The following OTULIN variants were observed in gnomAD, a reference collection of about 807,000 sequenced individuals.
OTULIN encodes OTU deubiquitinase with linear linkage specificity.
OTULIN carries 15 observed loss-of-function variants against 39.6 expected under a neutral mutation model. That is an observed-to-expected ratio of 0.38 (90% CI 0.25 to 0.58). The LOEUF is 0.58. Among genes scored for constraint, OTULIN ranks in the 20% least tolerant of loss-of-function variants. The probability of loss-of-function intolerance (pLI) is 0.66; values close to 1 mark genes in which losing one functional copy is unlikely to be tolerated. For synonymous variants in OTULIN, 156 were observed against 170.3 expected, an observed-to-expected ratio of 0.92 and a Z score of 0.65; for missense variants, 319 against 445.9, an observed-to-expected ratio of 0.72 and a Z score of 2.56.
intron 5 of OTULIN, 178 bp downstream of exon 5, chr5:14,687,824 T>C (rs1000714022): frequency 6.4e-6 from 4 of 620,890 alleles, no homozygotes; most frequent in Admixed American, 3.4e-5. Flanking sequence ...AAATGGGAAG[T>C]ACCAACATTA....
At chr5:14,705,056 T>A in the OTULIN span, 1 of 152,200 alleles carries the variant, frequency 6.6e-6, no homozygotes, top group Non-Finnish European at 1.5e-5. Flanking sequence ...GACGGGGTTT[T>A]GCTCTGTTGC....
Position 14,677,682 on chromosome 5 carries a change from TAG to T in OTULIN, c.230-996_230-995del, listed in dbSNP as rs569719040. Among the ~76,000 whole-genome samples, 659 of 152,352 alleles carry T rather than the reference TAG, an allele frequency of 4.3e-3. 2 individuals are homozygous for T. Among genetic ancestry groups the T allele is most frequent in the African/African-American group, 0.015 (616 of 41,566 alleles). On this transcript the variant is annotated intron_variant, in intron 2 of 6. Coordinates refer to ENST00000284274, the MANE Select transcript of OTULIN (RefSeq NM_138348.6). Reference sequence around the variant, plus strand: ...TTTTTAATTTTGGGGGATGTGTTGTTAGAGTCAGGTGAGGTCTGTGGATTAAC... The same window carrying T: ...TTTTTAATTTTGGGGGATGTGTTGTTAGTCAGGTGAGGTCTGTGGATTAAC...
At chr5:14,711,088 C>CCAAAA in the OTULIN span, 7 of 1,026,870 alleles carry the variant, frequency 6.8e-6, no homozygotes, top group Admixed American at 3.4e-5. Context: ...TCTTTCATTA[C>CCAAAA]CAAAACAAAA....
At chr5:14,673,743 T>C in intron 2 of OTULIN, 25 bp downstream of exon 2, 1 of 1,595,952 alleles carries the variant, frequency 6.3e-7, no homozygotes, top group South Asian at 1.1e-5. Context: ...GTTTTATTTA[T>C]AGAGTTCTTA....
intron 4 of OTULIN, among the ~76,000 whole-genome samples, chr5:14,682,646 T>C (rs186256907): frequency 4.6e-5 from 7 of 152,364 alleles, no homozygotes; most frequent in Admixed American, 3.3e-4. Flanking sequence ...ATTTTAATTA[T>C]GCAAGCCCAC....
the OTULIN span, among the ~76,000 whole-genome samples, chr5:14,715,731 T>C: frequency 6.7e-6 from 1 of 149,292 alleles, no homozygotes; most frequent in Admixed American, 6.6e-5. Flanking sequence ...GTGCTACATA[T>C]TTGCTATGGA....
intron 1 of OTULIN, among the ~76,000 whole-genome samples, chr5:14,669,121 T>C (rs919163675): frequency 1.3e-5 from 2 of 152,090 alleles, no homozygotes; most frequent in African/African-American, 4.8e-5. Flanking sequence ...CCCAGCACTT[T>C]TGGAGGCTGA....
downstream of OTULIN, among the ~76,000 whole-genome samples, chr5:14,702,357 TG>T (rs1736814066): frequency 6.6e-6 from 1 of 152,034 alleles, no homozygotes; most frequent in Non-Finnish European, 1.5e-5. Context: ...GTCTGAAGCT[TG>T]GGAACAAGTT....
At chr5:14,711,508 G>T in the OTULIN span, among the ~76,000 whole-genome samples, 5 of 152,164 alleles carry the variant, frequency 3.3e-5, no homozygotes, top group Non-Finnish European at 7.3e-5. Context: ...TGTGCCTGCT[G>T]TGTGCCTGGC....
chr5:14,711,734 G>A, the OTULIN span, among the ~76,000 whole-genome samples: 1 of 152,100 alleles, frequency 6.6e-6, no homozygotes, highest in Non-Finnish European at 1.5e-5. Flanking sequence ...GTCACCTCTG[G>A]GACAGCTCCA....
chr5:14,676,110 G>C lies in OTULIN; in HGVS notation c.229+2392G>C, dbSNP rs76744640. Among the ~76,000 whole-genome samples, 389 of 152,196 alleles carry C rather than the reference G, an allele frequency of 2.6e-3. 3 individuals are homozygous for C. Among genetic ancestry groups the C allele is most frequent in the African/African-American group, 8.8e-3 (365 of 41,524 alleles). On this transcript the variant is annotated intron_variant, in intron 2 of 6. Transcript: ENST00000284274. Reference sequence around the variant, plus strand: ...CCCTGTTTGAGAGTCCCTGCTTTCCGGAGGGGTTTCAGTTTTAACTTCCCG... The same window carrying C: ...CCCTGTTTGAGAGTCCCTGCTTTCCCGAGGGGTTTCAGTTTTAACTTCCCG...
intron 4 of OTULIN, among the ~76,000 whole-genome samples, chr5:14,685,894 A>C (rs1458295686): frequency 6.6e-6 from 1 of 151,680 alleles, no homozygotes; most frequent in Non-Finnish European, 1.5e-5. Flanking sequence ...TCTTGTGATA[A>C]ATCTGAGAGA....
At chr5:14,706,420 G>C in the OTULIN span, 1 of 152,180 alleles carries the variant, frequency 6.6e-6, no homozygotes, top group African/African-American at 2.4e-5. Flanking sequence ...AAATGATTTA[G>C]GAGGCCCACC....
At chr5:14,666,074 C>G (rs1446338587) in intron 1 of OTULIN, among the ~76,000 whole-genome samples, 3 of 152,220 alleles carry the variant, frequency 2.0e-5, no homozygotes, top group African/African-American at 4.8e-5. Context: ...GCTCCACGGC[C>G]CGTGCTGGTT....
chr5:14,683,599 G>A (rs1244840633), intron 4 of OTULIN, among the ~76,000 whole-genome samples: 1 of 151,558 alleles, frequency 6.6e-6, no homozygotes, highest in Non-Finnish European at 1.5e-5. Flanking sequence ...GTATACCTAT[G>A]TTCTTAGCTA....
intron 2 of OTULIN, among the ~76,000 whole-genome samples, chr5:14,676,590 C>T (rs1269627583): frequency 6.6e-6 from 1 of 152,232 alleles, no homozygotes; most frequent in African/African-American, 2.4e-5. Context: ...TGCCTCCTCC[C>T]CTCAGTCATG....
chr5:14,700,980 C>T (rs1465817117), downstream of OTULIN, among the ~76,000 whole-genome samples: 2 of 152,162 alleles, frequency 1.3e-5, no homozygotes, highest in African/African-American at 4.8e-5. Flanking sequence ...TTGCTCACTG[C>T]CCTGTTTGGC....
chr5:14,679,552 T>C (rs1005894730), intron 3 of OTULIN, among the ~76,000 whole-genome samples: 1 of 152,262 alleles, frequency 6.6e-6, no homozygotes, highest in African/African-American at 2.4e-5. Flanking sequence ...ATTATGAATT[T>C]GAATGCACTT....
chr5:14,702,404 A>G (rs1736814866), downstream of OTULIN, among the ~76,000 whole-genome samples: 1 of 152,150 alleles, frequency 6.6e-6, no homozygotes, highest in Non-Finnish European at 1.5e-5. Flanking sequence ...TCACCGCTGT[A>G]TTTGGAGCTG....
Sources: allele counts gnomAD v4.1 joint callset (sites outside exome capture counted in the v4.1 genomes callset), GRCh38; gene constraint gnomAD v4.1.1; transcripts MANE v1.5; gene names NCBI Gene and HGNC (gene_info 2026-07-23, HGNC 2026-07-21).